The following FER1L6 variants were observed in gnomAD, a reference collection of about 807,000 sequenced individuals.
The protein encoded by FER1L6 is fer-1 like family member 6.
A neutral mutation model predicts 219.2 loss-of-function variants in FER1L6; 177 were observed. The ratio of observed to expected loss-of-function variants is 0.81; its 90% confidence interval spans 0.71 to 0.91. The LOEUF is 0.91. Ranked by LOEUF, FER1L6 falls within the 40% of genes least tolerant of loss-of-function variation. FER1L6 has a pLI of 0.00. For missense variants in FER1L6, 2,153 were observed against 2,259.9 expected (o/e 0.95, Z 0.96); for synonymous variants, 768 against 824.3 (o/e 0.93, Z 1.17).
rs945606219 is a variant in FER1L6, at chr8:124,111,673, C to T, written c.5290-7171C>T. On this transcript the variant is annotated intron_variant, in intron 39 of 40. Transcript: ENST00000522917. The surrounding 1 kb of genome is among the most constrained non-coding windows in gnomAD (Gnocchi z 5.0). ...TAGACCATATAGGGTAACTTCCTGA[C>T]ATTACCGTGGCATTTGTAAACTATC... Among the ~76,000 whole-genome samples, 5 of 152,182 alleles carry T rather than the reference C, an allele frequency of 3.3e-5. No homozygotes were observed. The highest frequency in any genetic ancestry group is 7.3e-5 in the Non-Finnish European group (5 of 68,032).
chr8:123,977,012 G>T (rs769883967), intron 9 of FER1L6, among the ~76,000 whole-genome samples: 30 of 152,234 alleles, frequency 2.0e-4, no homozygotes, highest in Non-Finnish European at 4.0e-4. Context: ...GACTTGGGCT[G>T]AACTTGGAGA....
rs1454187426 is a variant in FER1L6, at chr8:123,975,790, ATT to A, written c.684-106_684-105del. 6.9e-6 allele frequency: 6 copies of A among 865,554 alleles called. No homozygotes were observed. The African/African-American group carries it at 8.5e-5, about 12-fold the overall frequency. 53.6% of individuals were successfully genotyped at this position (865,554 alleles called of 1,614,324 possible). A position where few individuals can be genotyped will look rare whatever the true frequency, so the allele number is the denominator to read the frequency against. On this transcript the variant is annotated intron_variant, in intron 8 of 40. Transcript: ENST00000522917. ...CAGCAATGAATCTTACTCTTTTCAGATTTGTCTTATATTGGGATCTTTCTTTC... is the reference window on the plus strand; with the variant it reads ...CAGCAATGAATCTTACTCTTTTCAGATGTCTTATATTGGGATCTTTCTTTC...
At chr8:123,894,299 C>T (rs1292396474) in intron 1 of FER1L6, among the ~76,000 whole-genome samples, 1 of 152,152 alleles carries the variant, frequency 6.6e-6, no homozygotes, top group Non-Finnish European at 1.5e-5. Flanking sequence ...TTCTTGCCTA[C>T]TATATAAACC....
In FER1L6 at chr8:124,045,940, A is replaced by G. The variant is rs756452123; in HGVS notation, c.2724+39A>G. The G allele has an allele frequency of 6.2e-6, 10 of 1,603,346 alleles. No individual in the cohort carries two copies. The Admixed American group carries it at 6.8e-5, about 11-fold the overall frequency. On this transcript the variant is annotated intron_variant, in intron 21 of 40. Transcript: ENST00000522917. ...TGGGCCAGTGCTGACCACACCTCAT[A>G]AAAAATGCCACGTTGAACTCACTCA...
chr8:124,064,002 C>A (rs757060007), intron 25 of FER1L6, among the ~76,000 whole-genome samples: 9 of 152,186 alleles, frequency 5.9e-5, no homozygotes, highest in African/African-American at 2.2e-4. Flanking sequence ...GATTAACACA[C>A]AGCAGGGGGA....
chr8:124,070,515 G>C lies in FER1L6; in HGVS notation c.3883G>C (p.Val1295Leu), dbSNP rs752997662. 6 of 1,613,744 alleles carry C rather than the reference G, an allele frequency of 3.7e-6. No individual in the cohort carries two copies. Among genetic ancestry groups the C allele is most frequent in the East Asian group, 2.2e-5 (1 of 44,844 alleles). ...TGAATTCAACAATTTTGAAGACTGG[G>C]TGAAAACTTTTGAGCTCTTCAGAGG... ...ESEFNNFEDWVKTFELFRGKS... is the reference protein window; with the variant it reads ...ESEFNNFEDWLKTFELFRGKS... Residue 1295 changes from valine to leucine, a missense_variant, in exon 30 of 41, where the codon GTG (valine) becomes CTG (leucine). Physicochemically the swap from Val to Leu is conservative, Grantham distance 32 (BLOSUM62 1). Coordinates refer to ENST00000522917, the MANE Select transcript of FER1L6 (RefSeq NM_001039112.2).
rs1204488824 is a variant in FER1L6, at chr8:124,023,323, C to T, written c.2134-121C>T. 9 of 960,294 alleles carry T rather than the reference C, an allele frequency of 9.4e-6. No homozygotes were observed. In the East Asian group the frequency reaches 2.2e-4, roughly 24 times the overall value. 59.5% of individuals were successfully genotyped at this position (960,294 alleles called of 1,614,324 possible). The stretch of plus-strand genomic sequence containing the variant: ...TTCAGTGCCTAGATGGTGTCAGTCA[C>T]AGCATTTGTTTTGTCGAAGAGGGAA... On this transcript the variant is annotated intron_variant, in intron 17 of 40. Transcript: ENST00000522917.
chr8:124,092,323 G>A (rs1822071036), intron 34 of FER1L6, among the ~76,000 whole-genome samples: 2 of 151,966 alleles, frequency 1.3e-5, no homozygotes, highest in Non-Finnish European at 2.9e-5. Flanking sequence ...ATATTTTTGT[G>A]TGTTTCTGAT....
intron 25 of FER1L6, among the ~76,000 whole-genome samples, chr8:124,062,739 C>T (rs1306663243): frequency 6.6e-6 from 1 of 152,088 alleles, no homozygotes; most frequent in Non-Finnish European, 1.5e-5. Flanking sequence ...GTGTGTGTTC[C>T]CTGAGGGAAG....
intron 5 of FER1L6, 67 bp from the exon 6 acceptor site, chr8:123,969,968 C>T (rs1417970084): frequency 2.3e-6 from 3 of 1,280,310 alleles, no homozygotes; most frequent in Non-Finnish European, 2.3e-6. Context: ...TCTAAATCCA[C>T]TCCAAGGACA....
intron 11 of FER1L6, among the ~76,000 whole-genome samples, chr8:123,983,120 T>C (rs1164260535): frequency 6.6e-6 from 1 of 152,230 alleles, no homozygotes; most frequent in Non-Finnish European, 1.5e-5. Context: ...TCAACCTTCC[T>C]CACACCTGAA....
chr8:124,043,387 G>T (rs1819590014), intron 20 of FER1L6, among the ~76,000 whole-genome samples: 1 of 152,186 alleles, frequency 6.6e-6, no homozygotes, highest in Non-Finnish European at 1.5e-5. Context: ...GCTATACTCT[G>T]TCCATGACAG....
chr8:123,938,172 T>C (rs1814079782), intron 1 of FER1L6, among the ~76,000 whole-genome samples: 1 of 152,222 alleles, frequency 6.6e-6, no homozygotes, highest in Non-Finnish European at 1.5e-5. Context: ...AGTTTAAGTC[T>C]CTTGACCCTA....
intron 39 of FER1L6, among the ~76,000 whole-genome samples, chr8:124,106,622 T>C (rs1239876442): frequency 6.6e-6 from 1 of 152,054 alleles, no homozygotes; most frequent in Non-Finnish European, 1.5e-5. Flanking sequence ...CTGAGAAAAC[T>C]CCTAGTCCTT....
rs113381882 is a variant in FER1L6, at chr8:124,090,392, G to C, written c.4392-1031G>C. Reference sequence around the variant, plus strand: ...GGGAAGGAAGCCACAGGCAAATGGTGCATCTTTTGTTCAGAAGAATTTCCT... The same window carrying C: ...GGGAAGGAAGCCACAGGCAAATGGTCCATCTTTTGTTCAGAAGAATTTCCT... On this transcript the variant is annotated intron_variant, in intron 33 of 40. Coordinates refer to ENST00000522917, the MANE Select transcript of FER1L6 (RefSeq NM_001039112.2). Among the ~76,000 whole-genome samples, 13 of 152,318 alleles carry C rather than the reference G, an allele frequency of 8.5e-5. No homozygotes were observed. In the East Asian group the frequency reaches 2.5e-3, roughly 29 times the overall value.
At chr8:124,066,398 C>T (rs778946530) in intron 26 of FER1L6, 30 bp from the exon 27 acceptor site, 1 of 1,607,960 alleles carries the variant, frequency 6.2e-7, no homozygotes, top group South Asian at 1.1e-5. Context: ...TGAGGTTGAA[C>T]TAATAACCCA....
intron 12 of FER1L6, among the ~76,000 whole-genome samples, chr8:123,995,749 A>G (rs1817104552): frequency 6.6e-6 from 1 of 151,930 alleles, no homozygotes; most frequent in Non-Finnish European, 1.5e-5. Context: ...TTTAAGATGC[A>G]TCGTTAGGTT....
At chr8:123,996,861 C>T (rs1031704403) in intron 12 of FER1L6, among the ~76,000 whole-genome samples, 19 of 151,844 alleles carry the variant, frequency 1.3e-4, no homozygotes, top group African/African-American at 2.7e-4. Flanking sequence ...TTTATGATAA[C>T]GCTGATTGTA....
At chr8:123,937,945 T>C (rs1814072121) in intron 1 of FER1L6, among the ~76,000 whole-genome samples, 1 of 152,246 alleles carries the variant, frequency 6.6e-6, no homozygotes, top group Non-Finnish European at 1.5e-5. Context: ...TTTGTGCCAG[T>C]AACTTTATTG....
Sources: gnomAD v4.1 joint callset for allele counts (sites outside exome capture counted in the v4.1 genomes callset) on GRCh38, gnomAD v4.1.1 for gene constraint, Gnocchi (gnomAD v3.1) non-coding constraint, MANE v1.5 for transcripts, NCBI Gene and HGNC (gene_info 2026-07-23, HGNC 2026-07-21) for gene names.